OTOF: variants seen among roughly 807,000 people sequenced by gnomAD.
The protein encoded by OTOF is fer-1-like family member 2.
Under a neutral mutation model 236.8 loss-of-function variants are expected in OTOF, and 218 were observed. The ratio of observed to expected loss-of-function variants is 0.92; its 90% CI spans 0.82 to 1.03. The LOEUF (loss-of-function observed/expected upper bound fraction) is 1.03. OTOF is among the 50% of genes least tolerant of loss of function. The pLI is 0.00. For missense variants in OTOF, 2,590 were observed against 2,694.4 expected (o/e 0.96, Z 0.86); for synonymous variants, 1,041 against 1,072.5 (o/e 0.97, Z 0.57).
intron 5 of OTOF, among the ~76,000 whole-genome samples, chr2:26,514,295 C>T (rs969845391): frequency 8.5e-5 from 13 of 152,246 alleles, no homozygotes; most frequent in East Asian, 3.9e-4. Flanking sequence ...ATTCCCAGTC[C>T]GGGGTGAAGC....
intron 1 of OTOF, among the ~76,000 whole-genome samples, chr2:26,557,560 T>G (rs1667624034): frequency 6.6e-6 from 1 of 152,136 alleles, no homozygotes; most frequent in African/African-American, 2.4e-5. Context: ...CTCTCTGAGC[T>G]GTAGACACAT....
intron 4 of OTOF, among the ~76,000 whole-genome samples, chr2:26,518,345 T>C (rs370126354): frequency 6.6e-6 from 1 of 152,244 alleles, no homozygotes; most frequent in Non-Finnish European, 1.5e-5. Flanking sequence ...TGAGGTGATA[T>C]GTAGCTTGCC....
chr2:26,458,088 G>C lies in OTOF; in HGVS notation c.*150C>G. 5 of 1,614,184 alleles carry C rather than the reference G, an allele frequency of 3.1e-6. No homozygotes were observed. The highest frequency in any genetic ancestry group is 4.2e-6 in the Non-Finnish European group (5 of 1,180,016). Reference sequence around the variant, plus strand: ...CCATGTAGCCAGGGAGGCTGTAGAGGAAGAGCCCCAACATGAGCAGCCCCA... The same window carrying C: ...CCATGTAGCCAGGGAGGCTGTAGAGCAAGAGCCCCAACATGAGCAGCCCCA... On this transcript the variant is annotated 3_prime_UTR_variant, in exon 47 of 47. Transcript: ENST00000272371.
intron 5 of OTOF, among the ~76,000 whole-genome samples, chr2:26,510,026 G>A (rs1281099859): frequency 6.6e-6 from 1 of 152,028 alleles, no homozygotes; most frequent in African/African-American, 2.4e-5. Flanking sequence ...GTGCTTCTAG[G>A]GGTGCCTACA....
rs753981332 is a variant in OTOF, at chr2:26,477,581, C to T, written c.2315+68G>A. The T allele has an allele frequency of 3.1e-6, 5 of 1,601,534 alleles. No homozygotes were observed. The Admixed American group carries it at 8.5e-5, about 27-fold the overall frequency. The stretch of plus-strand genomic sequence containing the variant: ...TGTAGATTCTTCCTCATCTGCCCAG[C>T]CCTGGCAGGGTCCCCTTTGTCCAGT... On this transcript the variant is annotated intron_variant, in intron 19 of 46. Transcript: ENST00000272371. The surrounding 1 kb of genome is among the most constrained non-coding windows in gnomAD (Gnocchi z 4.7).
Position 26,476,224 on chromosome 2 carries a change from C to G in OTOF, c.2770G>C (p.Glu924Gln). ...LWLGLSKQRK[E>Q]FLCGLPCGFQ... Reference sequence around the variant, plus strand: ...CCACAGGGCAGGCCGCACAGGAACTCCTTGCGCTGTTTGCTGAGGCCCAGC... The same window carrying G: ...CCACAGGGCAGGCCGCACAGGAACTGCTTGCGCTGTTTGCTGAGGCCCAGC... Residue 924 changes from glutamate to glutamine, a missense_variant, in exon 23 of 47, where the codon GAG becomes CAG. Physicochemically the swap from Glu to Gln is conservative, Grantham distance 29. This residue lies in a region of OTOF where 1,379 missense variants were observed against 1,341.6 expected (regional missense o/e 1.03). Transcript: ENST00000272371. The G allele has an allele frequency of 6.2e-7, 1 of 1,609,356 alleles. No homozygotes were observed. Among genetic ancestry groups the G allele is most frequent in the Admixed American group, 1.7e-5 (1 of 60,006 alleles).
intron 16 of OTOF, 134 bp downstream of exon 16, chr2:26,480,069 G>A (rs1054391455): frequency 2.8e-6 from 2 of 703,356 alleles, no homozygotes; most frequent in South Asian, 1.5e-5. Flanking sequence ...GGGGAAAGGG[G>A]TCAACGTTCC....
intron 1 of OTOF, 115 bp from the exon 2 acceptor site, chr2:26,537,889 T>A (rs999684236): frequency 1.0e-5 from 8 of 779,790 alleles, no homozygotes; most frequent in Admixed American, 6.0e-5. Context: ...TCATGCAACA[T>A]GGGACCTCGT....
At chr2:26,479,216 C>T (rs746282705) in intron 18 of OTOF, 48 bp downstream of exon 18, 24 of 1,605,858 alleles carry the variant, frequency 1.5e-5, no homozygotes, top group African/African-American at 4.0e-5. Flanking sequence ...CTGACAGCGC[C>T]GTCTCCCCCA....
Position 26,497,089 on chromosome 2 carries a change from C to CTTTTTTT in OTOF, c.766-2023_766-2017dup, listed in dbSNP as rs201349303. On this transcript the variant is annotated intron_variant, in intron 8 of 46. Transcript: ENST00000272371. ...TAAGCATGGACCTCTGTACATTCTTCTTTTTTTTTTTTTTTTTTTTTTTTT... is the reference window on the plus strand; with the variant it reads ...TAAGCATGGACCTCTGTACATTCTTCTTTTTTTTTTTTTTTTTTTTTTTTTTTTTTTT... Among the ~76,000 whole-genome samples the CTTTTTTT allele has an allele frequency of 8.9e-4, 87 of 97,780 alleles. 1 individual carries two copies. Among genetic ancestry groups the CTTTTTTT allele is most frequent in the Non-Finnish European group, 1.5e-3 (68 of 44,986 alleles). 64.1% of individuals were successfully genotyped at this position (97,780 alleles called of 152,430 possible).
At chr2:26,500,576 A>T (rs796843835) in intron 8 of OTOF, among the ~76,000 whole-genome samples, 5 of 152,290 alleles carry the variant, frequency 3.3e-5, no homozygotes, top group African/African-American at 1.2e-4. Flanking sequence ...CAAACCCCTA[A>T]GGAATCCAAT....
intron 32 of OTOF, among the ~76,000 whole-genome samples, chr2:26,469,913 C>T (rs1211426069): frequency 1.3e-5 from 2 of 152,132 alleles, no homozygotes; most frequent in African/African-American, 2.4e-5. Flanking sequence ...GGTCAGGTGG[C>T]CAGTCAGAGC....
At position 26,558,601 on chromosome 2, in the gene OTOF, C is replaced by A; in HGVS notation, c.-30G>T. Reference sequence around the variant, plus strand: ...GTGTGGGCTGCCTGGCACTGCCAGGCAGGAGCAGCGGGAAGGAGCTAGCCG... The same window carrying A: ...GTGTGGGCTGCCTGGCACTGCCAGGAAGGAGCAGCGGGAAGGAGCTAGCCG... On this transcript the variant is annotated 5_prime_UTR_variant, in exon 1 of 47. Transcript: ENST00000272371. The A allele has an allele frequency of 6.3e-7, 1 of 1,594,838 alleles. No individual in the cohort carries two copies. Among genetic ancestry groups the A allele is most frequent in the Non-Finnish European group, 8.6e-7 (1 of 1,163,254 alleles).
intron 13 of OTOF, 135 bp downstream of exon 13, chr2:26,483,327 T>C: frequency 2.4e-6 from 2 of 830,168 alleles, no homozygotes; most frequent in Non-Finnish European, 2.1e-6. Context: ...GTGAGGATCC[T>C]CTAAGTCCGT....
At chr2:26,502,271 C>T (rs1427027597) in intron 7 of OTOF, 29 bp downstream of exon 7, 20 of 1,613,454 alleles carry the variant, frequency 1.2e-5, no homozygotes, top group Non-Finnish European at 1.7e-5. Flanking sequence ...GTGGGGGCAG[C>T]TGGGGTTGCA....
At chr2:26,459,932 G>GTGTGCGTGTATA (rs1437278374) in intron 46 of OTOF, 76 bp downstream of exon 46, 1 of 1,342,884 alleles carries the variant, frequency 7.4e-7, no homozygotes, top group Non-Finnish European at 1.0e-6. Context: ...GTTTGTGGAT[G>GTGTGCGTGTATA]TGTGCGTGTA....
intron 1 of OTOF, among the ~76,000 whole-genome samples, chr2:26,547,260 T>C (rs569528677): frequency 2.6e-5 from 4 of 152,218 alleles, no homozygotes; most frequent in Non-Finnish European, 5.9e-5. Flanking sequence ...ACTGTGTTAA[T>C]ATGGTAAAAT....
At chr2:26,468,373 G>C in intron 33 of OTOF, 35 bp downstream of exon 33, 2 of 1,551,686 alleles carry the variant, frequency 1.3e-6, no homozygotes, top group Non-Finnish European at 1.8e-6. Flanking sequence ...CAGGGGCGGG[G>C]AGGAGGAGGC....
rs201329629 is a variant in OTOF at position 26,476,014 on chromosome 2, G to C, written c.2891C>G (p.Ala964Gly). 8 of 1,612,546 alleles carry C rather than the reference G, an allele frequency of 5.0e-6. No homozygotes were observed. In the African/African-American group the frequency reaches 1.1e-4, roughly 22 times the overall value. Residue 964 changes from alanine (A) to glycine (G), a missense_variant, in exon 24 of 47, where the codon GCG becomes GGG. Ala to Gly is a moderately conservative substitution (Grantham distance 60). Around this residue, in one of 2 missense-constraint regions of OTOF, gnomAD observed 1,379 missense variants for 1,341.6 expected, o/e 1.03. Transcript: ENST00000272371. ...GAGGCTGCGGGCCTGGTACATGTGC[G>C]CTCGGAGCTGGAACGCCTGCTTCTC... is the stretch of plus-strand genomic sequence containing the variant. ...YTKKQAFQLR[A>G]HMYQARSLFA...
Sources: allele counts gnomAD v4.1 joint callset (sites outside exome capture counted in the v4.1 genomes callset), GRCh38; gene constraint gnomAD v4.1.1; regional missense constraint gnomAD v4.1.1; non-coding constraint Gnocchi (gnomAD v3.1); transcripts MANE v1.5; gene names NCBI Gene and HGNC (gene_info 2026-07-23, HGNC 2026-07-21).